Variants in GRM8 observed in about 807,000 individuals in gnomAD.
GRM8 encodes metabotropic glutamate receptor 8.
In GRM8, 47 loss-of-function variants were observed where a neutral mutation model predicts 87.2. The ratio of observed to expected loss-of-function variants is 0.54; its 90% CI spans 0.43 to 0.69. The LOEUF (loss-of-function observed/expected upper bound fraction) is 0.69. Among genes scored for constraint, GRM8 ranks in the 30% least tolerant of loss-of-function variants. The pLI, the probability that GRM8 is intolerant of heterozygous loss-of-function variation, is 0.00. For synonymous variants in GRM8, 396 were observed against 404.5 expected, an observed-to-expected ratio of 0.98 and a Z score of 0.25; for missense variants, 1,019 against 1,139.2, an observed-to-expected ratio of 0.89 and a Z score of 1.52.
At chr7:126,605,188 T>G (rs1009665362) in intron 8 of GRM8, among the ~76,000 whole-genome samples, 4 of 152,138 alleles carry the variant, frequency 2.6e-5, no homozygotes, top group Non-Finnish European at 5.9e-5. Flanking sequence ...CTCTTCTGTT[T>G]ACTCTGAACC....
chr7:126,772,510 T>A (rs1233870823), intron 6 of GRM8, among the ~76,000 whole-genome samples: 3 of 152,088 alleles, frequency 2.0e-5, no homozygotes, highest in Non-Finnish European at 2.9e-5. Context: ...GGATCTGTCA[T>A]TTCAACAACT....
intron 6 of GRM8, among the ~76,000 whole-genome samples, chr7:126,782,113 A>C (rs900146282): frequency 2.0e-5 from 3 of 152,364 alleles, no homozygotes; most frequent in Non-Finnish European, 4.4e-5. Flanking sequence ...AAACATGTAG[A>C]AATCAAGTTC....
chr7:127,035,189 G>C (rs1283973529), intron 3 of GRM8, among the ~76,000 whole-genome samples: 1 of 152,154 alleles, frequency 6.6e-6, no homozygotes, highest in East Asian at 1.9e-4. Flanking sequence ...CCACTGTGGG[G>C]CAGAATGTCA....
intron 3 of GRM8, among the ~76,000 whole-genome samples, chr7:126,923,498 A>C (rs1467160875): frequency 6.6e-6 from 1 of 152,194 alleles, no homozygotes; most frequent in Non-Finnish European, 1.5e-5. Flanking sequence ...GCAATATAAT[A>C]TTATCTTTGT....
intron 9 of GRM8, among the ~76,000 whole-genome samples, chr7:126,487,055 C>T (rs1302279724): frequency 6.6e-6 from 1 of 152,076 alleles, no homozygotes; most frequent in Non-Finnish European, 1.5e-5. Flanking sequence ...ATCAATTTAT[C>T]AACCTCAAAT....
chr7:126,713,274 G>A (rs1221363831), intron 7 of GRM8, among the ~76,000 whole-genome samples: 1 of 152,110 alleles, frequency 6.6e-6, no homozygotes, highest in Non-Finnish European at 1.5e-5. Context: ...TCATAAAAAA[G>A]AATGAGTTCA....
chr7:126,712,534 C>A (rs545267643), intron 7 of GRM8, among the ~76,000 whole-genome samples: 1 of 152,210 alleles, frequency 6.6e-6, no homozygotes, highest in South Asian at 2.1e-4. Context: ...AAACACAGTA[C>A]CTGTGAGGCG....
At chr7:126,550,208 G>A (rs1308450462) in intron 8 of GRM8, among the ~76,000 whole-genome samples, 4 of 151,730 alleles carry the variant, frequency 2.6e-5, no homozygotes, top group Non-Finnish European at 4.4e-5. Context: ...TCTGCCTCCC[G>A]GGTTCAAGCA....
intron 7 of GRM8, among the ~76,000 whole-genome samples, chr7:126,654,626 C>T (rs1804301059): frequency 6.6e-6 from 1 of 152,142 alleles, no homozygotes; most frequent in African/African-American, 2.4e-5. Context: ...AGCGGCTTAT[C>T]AGCATGAAAC....
intron 7 of GRM8, among the ~76,000 whole-genome samples, chr7:126,729,399 C>T (rs1813357408): frequency 6.6e-6 from 1 of 152,194 alleles, no homozygotes; most frequent in Non-Finnish European, 1.5e-5. Flanking sequence ...AGATAACTAT[C>T]TCAGCTTCCT....
At chr7:127,246,485 G>C (rs1798589577) in intron 1 of GRM8, among the ~76,000 whole-genome samples, 1 of 152,180 alleles carries the variant, frequency 6.6e-6, no homozygotes, top group African/African-American at 2.4e-5. Context: ...CTCAGAGGGG[G>C]ACAAATCCTC....
chr7:126,763,447 A>G (rs1817808213), intron 7 of GRM8, among the ~76,000 whole-genome samples: 1 of 78,134 alleles, frequency 1.3e-5, no homozygotes, highest in Non-Finnish European at 2.8e-5. Context: ...AAATTCATAT[A>G]TATATATATA....
At chr7:126,601,596 G>A (rs1797776523) in intron 8 of GRM8, among the ~76,000 whole-genome samples, 4 of 148,418 alleles carry the variant, frequency 2.7e-5, no homozygotes, top group Admixed American at 2.7e-4. Context: ...AGCACCTGTT[G>A]TTTCCTGACT....
At chr7:126,614,338 A>G (rs529476284) in intron 7 of GRM8, among the ~76,000 whole-genome samples, 1 of 152,310 alleles carries the variant, frequency 6.6e-6, no homozygotes, top group East Asian at 1.9e-4. Flanking sequence ...AAGGAAACTA[A>G]CAGACAGAAA....
intron 7 of GRM8, among the ~76,000 whole-genome samples, chr7:126,614,266 G>T (rs941900485): frequency 6.6e-6 from 1 of 152,158 alleles, no homozygotes; most frequent in Non-Finnish European, 1.5e-5. Context: ...CAAGCAAACA[G>T]GGTCTGGAGT....
chr7:126,662,963 C>T (rs929090563), intron 7 of GRM8, among the ~76,000 whole-genome samples: 36 of 152,182 alleles, frequency 2.4e-4, no homozygotes, highest in African/African-American at 8.7e-4. Flanking sequence ...TTGTAAAATG[C>T]ATTTTCTCAC....
At chr7:126,478,132 C>T (rs1381079118) in intron 9 of GRM8, among the ~76,000 whole-genome samples, 1 of 152,096 alleles carries the variant, frequency 6.6e-6, no homozygotes, top group Non-Finnish European at 1.5e-5. Flanking sequence ...CATATAAGAT[C>T]ACATTTACAA....
chr7:127,023,222 G>A (rs1201877684), intron 3 of GRM8, among the ~76,000 whole-genome samples: 2 of 151,866 alleles, frequency 1.3e-5, no homozygotes, highest in Admixed American at 6.6e-5. Context: ...ATTATAAAAC[G>A]TTGTTTATTC....
intron 3 of GRM8, among the ~76,000 whole-genome samples, chr7:127,068,079 G>A (rs777717542): frequency 6.6e-6 from 1 of 152,098 alleles, no homozygotes; most frequent in Non-Finnish European, 1.5e-5. Flanking sequence ...ATGATATGGT[G>A]AGCCTTGAGT....
Sources: gnomAD v4.1 joint callset for allele counts (sites outside exome capture counted in the v4.1 genomes callset) on GRCh38, gnomAD v4.1.1 for gene constraint, MANE v1.5 for transcripts, NCBI Gene and HGNC (gene_info 2026-07-23, HGNC 2026-07-21) for gene names.